Variants in TMPRSS11F observed in about 807,000 individuals in gnomAD.
TMPRSS11F encodes transmembrane protease serine 11F.
In TMPRSS11F, 47 loss-of-function variants were observed where a neutral mutation model predicts 60.2. The observed-to-expected ratio is 0.78, with a 90% CI of 0.62 to 1.00. The LOEUF is 1.00. TMPRSS11F is among the 50% of genes least tolerant of loss of function. TMPRSS11F has a pLI of 0.00. For missense variants in TMPRSS11F, 519 were observed against 522.9 expected (o/e 0.99, Z 0.07); for synonymous variants, 166 against 167.3 (o/e 0.99, Z 0.06).
intron 3 of TMPRSS11F, chr4:68,080,479 C>T (rs1015133915): frequency 6.6e-6 from 1 of 152,254 alleles, no homozygotes; most frequent in Admixed American, 6.5e-5. Flanking sequence ...TGCACTTCTC[C>T]AGAGAATTGT....
Position 68,068,939 on chromosome 4 carries a change from C to T in TMPRSS11F, c.554-120G>A. 2.0e-6 allele frequency: 2 copies of T among 1,003,646 alleles called. 1 individual carries two copies. The allele number at this position is 1,003,646 out of a possible 1,614,324, so 62.2% of individuals were successfully genotyped here. ...TACCATGTGAACCATTCATAGCACT[C>T]AGCCTTTGAGCTTATTTGATACAGG... is the stretch of plus-strand genomic sequence containing the variant. On this transcript the variant is annotated intron_variant, in intron 6 of 9. Transcript: ENST00000356291.
intron 8 of TMPRSS11F, chr4:68,062,677 G>A: frequency 1.3e-6 from 1 of 760,408 alleles, no homozygotes; most frequent in Middle Eastern, 2.3e-4. Context: ...TTCTTCTCAT[G>A]CTGCTTTTGT....
At chr4:68,121,352 A>T (rs1227664095) in intron 1 of TMPRSS11F, among the ~76,000 whole-genome samples, 1 of 152,212 alleles carries the variant, frequency 6.6e-6, no homozygotes, top group Non-Finnish European at 1.5e-5. Flanking sequence ...GTGACTGAAA[A>T]AGAATTCATA....
intron 7 of TMPRSS11F, among the ~76,000 whole-genome samples, chr4:68,066,796 C>T (rs1484848065): frequency 9.9e-5 from 15 of 151,672 alleles, no homozygotes; most frequent in Non-Finnish European, 1.8e-4. Context: ...TAGCTGGGCG[C>T]GGTGGCGGGC....
chr4:68,129,160 C>T (rs2109895400), intron 1 of TMPRSS11F, among the ~76,000 whole-genome samples: 1 of 152,048 alleles, frequency 6.6e-6, no homozygotes, highest in East Asian at 1.9e-4. Flanking sequence ...GTCTATAAAA[C>T]AATAGCCTGA....
chr4:68,099,787 A>G (rs539270354), intron 1 of TMPRSS11F, among the ~76,000 whole-genome samples: 1 of 152,296 alleles, frequency 6.6e-6, no homozygotes, highest in Non-Finnish European at 1.5e-5. Context: ...GACCTACCAC[A>G]TCAAAATAAT....
rs1202792794 is a variant in TMPRSS11F, at chr4:68,064,679, G to C, written c.1015+6C>G. Reference sequence around the variant, plus strand: ...GTGCTAAGAAAATTAGGTTGAAACTGCTCACCATCATCTACAATGGATCCA... The same window carrying C: ...GTGCTAAGAAAATTAGGTTGAAACTCCTCACCATCATCTACAATGGATCCA... On this transcript the variant is annotated splice_donor_region_variant and intron_variant, in intron 8 of 9. Transcript: ENST00000356291. 2.5e-6 allele frequency: 4 copies of C among 1,612,120 alleles called. No homozygotes were observed. The highest frequency in any genetic ancestry group is 3.4e-6 in the Non-Finnish European group (4 of 1,178,932).
intron 1 of TMPRSS11F, among the ~76,000 whole-genome samples, chr4:68,122,023 C>T (rs1724634299): frequency 6.6e-6 from 1 of 152,100 alleles, no homozygotes; most frequent in South Asian, 2.1e-4. Context: ...TTTTAAATAA[C>T]CACTTTTTTT....
chr4:68,071,798 T>C (rs1356676412), intron 5 of TMPRSS11F, among the ~76,000 whole-genome samples: 4 of 152,154 alleles, frequency 2.6e-5, no homozygotes, highest in Non-Finnish European at 5.9e-5. Context: ...TAGTTTTAAG[T>C]TGGAAACAAG....
At chr4:68,124,094 G>A (rs983439081) in intron 1 of TMPRSS11F, among the ~76,000 whole-genome samples, 6 of 151,754 alleles carry the variant, frequency 4.0e-5, no homozygotes, top group African/African-American at 1.5e-4. Context: ...GGTGGTGCAC[G>A]CCTGTAATCC....
At chr4:68,067,578 T>G (rs1723357398) in intron 7 of TMPRSS11F, among the ~76,000 whole-genome samples, 1 of 152,262 alleles carries the variant, frequency 6.6e-6, no homozygotes, top group African/African-American at 2.4e-5. Flanking sequence ...ACTGTGTGAA[T>G]ATGAAAAAAT....
chr4:68,109,046 C>G (rs1403346383), intron 1 of TMPRSS11F, among the ~76,000 whole-genome samples: 1 of 152,116 alleles, frequency 6.6e-6, no homozygotes, highest in Non-Finnish European at 1.5e-5. Context: ...CTCCCCTCAC[C>G]TTTGCTTAGT....
intron 1 of TMPRSS11F, among the ~76,000 whole-genome samples, chr4:68,126,658 CTGCAATGTGACA>C (rs2109893482): frequency 6.6e-6 from 1 of 152,288 alleles, no homozygotes; most frequent in South Asian, 2.1e-4. Flanking sequence ...TGTTGAGAGT[CTGCAATGTGACA>C]GGCAATGTGT....
chr4:68,096,014 G>C (rs949776015), intron 2 of TMPRSS11F, among the ~76,000 whole-genome samples: 1 of 151,156 alleles, frequency 6.6e-6, no homozygotes, highest in Admixed American at 6.6e-5. Flanking sequence ...ATTTACAGCA[G>C]TATTGCTTTA....
intron 2 of TMPRSS11F, among the ~76,000 whole-genome samples, chr4:68,095,609 A>G (rs1238812111): frequency 2.0e-5 from 3 of 152,112 alleles, no homozygotes; most frequent in Non-Finnish European, 4.4e-5. Flanking sequence ...AAAAAAGCAC[A>G]TGCCCTGGCC....
intron 1 of TMPRSS11F, among the ~76,000 whole-genome samples, chr4:68,113,232 G>A (rs1724445470): frequency 6.6e-6 from 1 of 152,132 alleles, no homozygotes; most frequent in Admixed American, 6.5e-5. Context: ...TTGGACAATG[G>A]AGAAAAGGCT....
intron 3 of TMPRSS11F, among the ~76,000 whole-genome samples, chr4:68,075,367 T>C (rs1723562214): frequency 6.6e-6 from 1 of 152,144 alleles, no homozygotes; most frequent in Non-Finnish European, 1.5e-5. Flanking sequence ...GCAACCAGGA[T>C]GATATCTTTA....
intron 9 of TMPRSS11F, among the ~76,000 whole-genome samples, chr4:68,058,659 G>A (rs1723093940): frequency 6.6e-6 from 1 of 152,134 alleles, no homozygotes; most frequent in Non-Finnish European, 1.5e-5. Flanking sequence ...AGGCTGAGGA[G>A]AAAAATAGAA....
intron 7 of TMPRSS11F, among the ~76,000 whole-genome samples, chr4:68,065,767 T>A (rs370708180): frequency 8.8e-5 from 13 of 147,884 alleles, no homozygotes; most frequent in Non-Finnish European, 1.0e-4. Context: ...TTAAATGTAA[T>A]AAAAAAAAAA....
Sources: allele counts gnomAD v4.1 joint callset (sites outside exome capture counted in the v4.1 genomes callset), GRCh38; gene constraint gnomAD v4.1.1; transcripts MANE v1.5; gene names NCBI Gene and HGNC (gene_info 2026-07-23, HGNC 2026-07-21).